The following MYCBP2 variants were observed in gnomAD, a reference collection of about 807,000 sequenced individuals.
MYCBP2 encodes E3 ubiquitin-protein ligase MYCBP2.
MYCBP2 carries 120 observed loss-of-function variants against 525.3 expected under a neutral mutation model. The observed-to-expected ratio is 0.23, with a 90% CI of 0.20 to 0.27. The LOEUF (loss-of-function observed/expected upper bound fraction) is 0.27, where lower values mean the gene tolerates loss of function less well. MYCBP2 is among the 10% of genes least tolerant of loss of function. The pLI is 1.00. For synonymous variants in MYCBP2, 1,894 were observed against 1,955.8 expected (o/e 0.97, Z 0.83); for missense variants, 4,149 against 5,657.1 (o/e 0.73, Z 8.55).
intron 38 of MYCBP2, 63 bp downstream of exon 38, chr13:77,171,429 C>A: frequency 1.3e-6 from 2 of 1,509,712 alleles, no homozygotes; most frequent in South Asian, 1.2e-5. Flanking sequence ...TTCAATAATT[C>A]TATGCAAAAA....
At chr13:77,195,473 T>C (rs1315209740) in intron 26 of MYCBP2, among the ~76,000 whole-genome samples, 1 of 152,142 alleles carries the variant, frequency 6.6e-6, no homozygotes, top group East Asian at 1.9e-4. Context: ...GGCACATGCC[T>C]GTAGTCCCAG....
At chr13:77,170,531 A>T (rs2059027856) in intron 38 of MYCBP2, among the ~76,000 whole-genome samples, 2 of 152,194 alleles carry the variant, frequency 1.3e-5, no homozygotes, top group East Asian at 3.9e-4. Flanking sequence ...TCTGATGTTA[A>T]ACTAGGTTTA....
At chr13:77,123,238 TC>T (rs1455285947) in intron 54 of MYCBP2, among the ~76,000 whole-genome samples, 1 of 152,220 alleles carries the variant, frequency 6.6e-6, no homozygotes, top group Non-Finnish European at 1.5e-5. Context: ...ATCATTTCTT[TC>T]CTTATCACTC....
At chr13:77,088,348 C>T (rs1275365765) in intron 61 of MYCBP2, among the ~76,000 whole-genome samples, 1 of 151,928 alleles carries the variant, frequency 6.6e-6, no homozygotes, top group Non-Finnish European at 1.5e-5. Context: ...CATATAATTC[C>T]CATCCATGAA....
intron 55 of MYCBP2, chr13:77,118,635 G>T: frequency 3.6e-6 from 2 of 561,586 alleles, no homozygotes; most frequent in Non-Finnish European, 6.4e-6. Context: ...GTGAAAATTG[G>T]TGACTGTTAA....
chr13:77,193,676 G>A lies in MYCBP2; in HGVS notation c.3935+477C>T, dbSNP rs191709696. Reference sequence around the variant, plus strand: ...ACTAATTTTTATAAACTCCCAAAAGGTTTCAGTAAAGCTAGTCACCTCCCC... The same window carrying A: ...ACTAATTTTTATAAACTCCCAAAAGATTTCAGTAAAGCTAGTCACCTCCCC... On this transcript the variant is annotated intron_variant, in intron 27 of 82. Transcript: ENST00000544440. Among the ~76,000 whole-genome samples, 712 of 152,030 alleles carry A rather than the reference G, an allele frequency of 4.7e-3. 3 individuals carry two copies. The highest frequency in any genetic ancestry group is 0.015 in the African/African-American group (623 of 41,468).
At chr13:77,202,138 C>T (rs1413691246) in intron 26 of MYCBP2, among the ~76,000 whole-genome samples, 13 of 151,906 alleles carry the variant, frequency 8.6e-5, no homozygotes, top group South Asian at 2.1e-4. Flanking sequence ...ATTGATAGAC[C>T]GCTAACAAGA....
chr13:77,225,428 C>A lies in MYCBP2; in HGVS notation c.2857+7G>T, dbSNP rs1235724175. 8 of 1,613,328 alleles carry A rather than the reference C, an allele frequency of 5.0e-6. No homozygotes were observed. The Admixed American group carries it at 1.3e-4, about 27-fold the overall frequency. On this transcript the variant is annotated splice_region_variant and intron_variant, in intron 19 of 82. Coordinates refer to ENST00000544440, the MANE Select transcript of MYCBP2 (RefSeq NM_015057.5). ...ACGCAGTTATACCCTAAAGTTCCAG[C>A]CGCTACCTGAATGGTGAAATCCACA...
chr13:77,066,106 AC>A lies in MYCBP2; in HGVS notation c.12456-19del, dbSNP rs1444130162. On this transcript the variant is annotated intron_variant, in intron 71 of 82. Coordinates refer to ENST00000544440, the MANE Select transcript of MYCBP2 (RefSeq NM_015057.5). ...GGAGATAACTACAAGAAAAATTAGC[AC>A]TTAAAAAGCCAATAAATTATCAGTA... The A allele has an allele frequency of 6.4e-7, 1 of 1,567,936 alleles. No individual in the cohort carries two copies. Among genetic ancestry groups the A allele is most frequent in the East Asian group, 2.2e-5 (1 of 44,566 alleles).
chr13:77,267,560 C>T (rs1370770875), intron 8 of MYCBP2, among the ~76,000 whole-genome samples: 1 of 152,096 alleles, frequency 6.6e-6, no homozygotes, highest in Non-Finnish European at 1.5e-5. Flanking sequence ...AACACAGTTA[C>T]ATCACCCCAC....
intron 69 of MYCBP2, among the ~76,000 whole-genome samples, chr13:77,069,785 G>T (rs1339706917): frequency 6.6e-6 from 1 of 151,032 alleles, no homozygotes; most frequent in Non-Finnish European, 1.5e-5. Context: ...GGAGAATGGT[G>T]TGAACCCAGG....
chr13:77,257,106 T>C (rs1355253270), intron 14 of MYCBP2, among the ~76,000 whole-genome samples: 1 of 152,054 alleles, frequency 6.6e-6, no homozygotes. Flanking sequence ...CTGGAGGATA[T>C]TATGTTAAGT....
intron 63 of MYCBP2, 29 bp from the exon 64 acceptor site, chr13:77,082,022 G>A (rs140458711): frequency 0.017 from 26,509 of 1,593,904 alleles, 268 homozygotes; most frequent in Middle Eastern, 0.023. Flanking sequence ...AGCAATATAC[G>A]AAATAATTAT....
intron 35 of MYCBP2, among the ~76,000 whole-genome samples, 161 bp from the exon 36 acceptor site, chr13:77,176,789 A>T (rs1293724856): frequency 6.6e-6 from 1 of 152,168 alleles, no homozygotes; most frequent in Non-Finnish European, 1.5e-5. Flanking sequence ...TGGGGGTACT[A>T]TATACATTTT....
Position 77,180,285 on chromosome 13 carries a change from G to A in MYCBP2, c.4975C>T (p.Arg1659Cys), listed in dbSNP as rs778917193. 10 of 1,614,040 alleles carry A rather than the reference G, an allele frequency of 6.2e-6. No homozygotes were observed. The highest frequency in any genetic ancestry group is 5.0e-5 in the Admixed American group (3 of 60,008). The change falls in exon 34 of 83, where the codon CGT becomes TGT. Residue 1659 changes from arginine (R) to cysteine (C), a missense_variant. This residue lies in a region of MYCBP2 where 292 missense variants were observed against 330.5 expected (regional missense o/e 0.88). Transcript: ENST00000544440. Reference protein sequence around the residue: ...EENISGMTSFREVLEKMLVIV... With the variant: ...EENISGMTSFCEVLEKMLVIV... ...ACCAGCATTTTCTCCAGAACTTCACGGAAGCTTGTCATCCCTGAGATATTC... is the reference window on the plus strand; with the variant it reads ...ACCAGCATTTTCTCCAGAACTTCACAGAAGCTTGTCATCCCTGAGATATTC...
chr13:77,088,173 A>G (rs766423352), intron 61 of MYCBP2, among the ~76,000 whole-genome samples: 1 of 152,148 alleles, frequency 6.6e-6, no homozygotes, highest in Non-Finnish European at 1.5e-5. Flanking sequence ...AAACAGGAAA[A>G]ATAATTTATA....
intron 55 of MYCBP2, among the ~76,000 whole-genome samples, chr13:77,111,208 TG>T (rs1445067962): frequency 1.3e-5 from 2 of 152,164 alleles, no homozygotes; most frequent in Non-Finnish European, 2.9e-5. Flanking sequence ...ATTTTCAACT[TG>T]TCAGTCAACA....
At chr13:77,304,020 C>T (rs761572201) in intron 1 of MYCBP2, among the ~76,000 whole-genome samples, 2 of 152,082 alleles carry the variant, frequency 1.3e-5, no homozygotes. Flanking sequence ...TAGAACTACA[C>T]TGTTGATGGG....
intron 69 of MYCBP2, among the ~76,000 whole-genome samples, chr13:77,070,343 G>A (rs1397536454): frequency 6.6e-6 from 1 of 152,092 alleles, no homozygotes; most frequent in Non-Finnish European, 1.5e-5. Context: ...ACTGCCTGTG[G>A]CCCAGGATGG....
Sources: allele counts gnomAD v4.1 joint callset (sites outside exome capture counted in the v4.1 genomes callset), GRCh38; gene constraint gnomAD v4.1.1; regional missense constraint gnomAD v4.1.1; transcripts MANE v1.5; gene names NCBI Gene and HGNC (gene_info 2026-07-23, HGNC 2026-07-21).